ZBTB16: variants seen among roughly 807,000 people sequenced by gnomAD.
ZBTB16 encodes zinc finger and BTB domain-containing protein 16.
In ZBTB16, 8 loss-of-function variants were observed where a neutral mutation model predicts 56.8. The ratio of observed to expected loss-of-function variants is 0.14; its 90% CI spans 0.08 to 0.25. The LOEUF (loss-of-function observed/expected upper bound fraction) is 0.25, where lower values mean the gene tolerates loss of function less well. Among genes scored for constraint, ZBTB16 ranks in the 10% least tolerant of loss-of-function variants. ZBTB16 has a pLI of 1.00. For missense variants in ZBTB16, 625 were observed against 903.0 expected (o/e 0.69, Z 3.95); for synonymous variants, 363 against 368.5 (o/e 0.98, Z 0.17).
At position 114,255,415 on chromosome 11, in the gene ZBTB16, T is replaced by G. The variant is rs1944983373; in HGVS notation, c.*4860T>G. On this transcript the variant is annotated 3_prime_UTR_variant, in exon 7 of 7. Transcript: ENST00000335953. Reference sequence around the variant, plus strand: ...TACTTTTTTGTACAAATCAATCTCTTTCTCTCTTTCTCTCCTCCCCACCTC... The same window carrying G: ...TACTTTTTTGTACAAATCAATCTCTGTCTCTCTTTCTCTCCTCCCCACCTC... Among the ~76,000 whole-genome samples, 1 of 127,238 alleles carries G rather than the reference T, an allele frequency of 7.9e-6. No homozygotes were observed. The highest frequency in any genetic ancestry group is 1.8e-5 in the Non-Finnish European group (1 of 56,726). The allele number at this position is 127,238 out of a possible 152,430, so 83.5% of individuals were successfully genotyped here.
At chr11:114,061,767 C>T (rs977632488) in intron 1 of ZBTB16, among the ~76,000 whole-genome samples, 3 of 152,150 alleles carry the variant, frequency 2.0e-5, no homozygotes, top group African/African-American at 7.2e-5. Context: ...CTTTGTTTCC[C>T]AGCCCTGTCT....
intron 4 of ZBTB16, among the ~76,000 whole-genome samples, chr11:114,224,090 G>A (rs1446428743): frequency 6.6e-6 from 1 of 152,158 alleles, no homozygotes; most frequent in Non-Finnish European, 1.5e-5. Context: ...AATCAGGGGA[G>A]GGACATCAGG....
At chr11:114,151,619 C>A (rs1337114862) in intron 2 of ZBTB16, among the ~76,000 whole-genome samples, 1 of 152,224 alleles carries the variant, frequency 6.6e-6, no homozygotes, top group Non-Finnish European at 1.5e-5. Context: ...TCTGCTCCAA[C>A]TTGAGCATTT....
intron 4 of ZBTB16, among the ~76,000 whole-genome samples, chr11:114,238,737 G>C (rs1944645977): frequency 6.6e-6 from 1 of 152,086 alleles, no homozygotes. Flanking sequence ...CCTCTGATCT[G>C]ACTCCCATCA....
intron 2 of ZBTB16, among the ~76,000 whole-genome samples, chr11:114,148,465 C>CTTTCTTTCTTTCTT (rs1187503856): frequency 0.059 from 3,130 of 53,360 alleles, 589 homozygotes; most frequent in Non-Finnish European, 0.092. Context: ...CTGTCTCTCT[C>CTTTCTTTCTTTCTT]TCTCTCTTTC....
chr11:114,144,705 T>A (rs1379420824), intron 2 of ZBTB16, among the ~76,000 whole-genome samples: 2 of 152,222 alleles, frequency 1.3e-5, no homozygotes, highest in Non-Finnish European at 2.9e-5. Context: ...GATATTTTTG[T>A]TCATGCGTTT....
In ZBTB16 at chr11:114,165,895, G is replaced by A. The variant is rs144600443; in HGVS notation, c.1366+9461G>A. Among the ~76,000 whole-genome samples the A allele has an allele frequency of 4.0e-4, 61 of 152,334 alleles. No individual in the cohort carries two copies. The East Asian group carries it at 0.011, about 26-fold the overall frequency. ...AGGCCTCAGGTTTATGTTCCATAGA[G>A]GTCAAGCCTTTGGCAAATGGCTGCA... On this transcript the variant is annotated intron_variant, in intron 3 of 6. Coordinates refer to ENST00000335953, the MANE Select transcript of ZBTB16 (RefSeq NM_006006.6).
chr11:114,134,157 G>A (rs1941739499), intron 2 of ZBTB16, among the ~76,000 whole-genome samples: 1 of 152,146 alleles, frequency 6.6e-6, no homozygotes, highest in Non-Finnish European at 1.5e-5. Context: ...AATTTAGTAG[G>A]ACTCTGCGAG....
chr11:114,180,120 A>G (rs548614126), intron 3 of ZBTB16, among the ~76,000 whole-genome samples: 2 of 152,170 alleles, frequency 1.3e-5, no homozygotes, highest in East Asian at 3.9e-4. Flanking sequence ...CCGAACTTTA[A>G]CTGGCTTTGA....
chr11:114,159,240 G>A (rs1388239113), intron 3 of ZBTB16, among the ~76,000 whole-genome samples: 2 of 152,220 alleles, frequency 1.3e-5, no homozygotes, highest in African/African-American at 4.8e-5. Flanking sequence ...CAGGTCCCCT[G>A]ATCTCATATG....
At position 114,252,978 on chromosome 11, in the gene ZBTB16, T is replaced by C. The variant is rs1375378777; in HGVS notation, c.*2423T>C. ...TTAGTGTTTTGGAAAGGAAAAGAAG[T>C]TAAACTTGAAATACGTGACTAGAAC... On this transcript the variant is annotated 3_prime_UTR_variant, in exon 7 of 7. Coordinates refer to ENST00000335953, the MANE Select transcript of ZBTB16 (RefSeq NM_006006.6). Among the ~76,000 whole-genome samples, 5 of 152,186 alleles carry C rather than the reference T, an allele frequency of 3.3e-5. No individual in the cohort carries two copies. Among genetic ancestry groups the C allele is most frequent in the Non-Finnish European group, 7.3e-5 (5 of 68,038 alleles).
At chr11:114,107,110 G>A (rs959548894) in intron 2 of ZBTB16, among the ~76,000 whole-genome samples, 1 of 152,088 alleles carries the variant, frequency 6.6e-6, no homozygotes, top group East Asian at 1.9e-4. Flanking sequence ...GCCACGAGGC[G>A]CCAGGGCCCT....
rs1001900800 is a variant in ZBTB16, at chr11:114,253,475, G to C, written c.*2920G>C. On this transcript the variant is annotated 3_prime_UTR_variant, in exon 7 of 7. Transcript: ENST00000335953. ...TACATGTATGTGCGTGTGCGCGTGT[G>C]CTTTGTGTGTGTGGTTGTGTGTTAA... 2.0e-5 allele frequency among the ~76,000 whole-genome samples: 3 copies of C among 152,228 alleles called. No individual in the cohort carries two copies. The highest frequency in any genetic ancestry group is 6.5e-5 in the Admixed American group (1 of 15,288).
chr11:114,201,651 A>G (rs953709212), intron 4 of ZBTB16, among the ~76,000 whole-genome samples: 1 of 152,224 alleles, frequency 6.6e-6, no homozygotes, highest in African/African-American at 2.4e-5. Context: ...AAAGATGTCC[A>G]TGATGTTTTG....
At chr11:114,202,581 T>C (rs1943759962) in intron 4 of ZBTB16, among the ~76,000 whole-genome samples, 2 of 152,150 alleles carry the variant, frequency 1.3e-5, no homozygotes, top group Admixed American at 1.3e-4. Context: ...ATGCAGATAT[T>C]TGGGCGTGGG....
intron 2 of ZBTB16, among the ~76,000 whole-genome samples, chr11:114,073,970 G>T (rs1213666632): frequency 6.6e-6 from 1 of 152,216 alleles, no homozygotes; most frequent in Non-Finnish European, 1.5e-5. Flanking sequence ...AAAGACTGAC[G>T]TCTGATGGAC....
At chr11:114,187,437 T>G in intron 4 of ZBTB16, 1 of 268,088 alleles carries the variant, frequency 3.7e-6, no homozygotes, top group African/African-American at 2.2e-5. Flanking sequence ...TGGCCACAGT[T>G]GGCTGGTCCT....
At chr11:114,164,051 A>G (rs989700817) in intron 3 of ZBTB16, among the ~76,000 whole-genome samples, 4 of 152,178 alleles carry the variant, frequency 2.6e-5, no homozygotes, top group East Asian at 1.9e-4. Context: ...TATGCAAGAC[A>G]AAGTGTTTTG....
Position 114,143,475 on chromosome 11 carries a change from T to C in ZBTB16, c.1269-12862T>C, listed in dbSNP as rs1942015077. On this transcript the variant is annotated intron_variant, in intron 2 of 6. Transcript: ENST00000335953. This position sits in a 1 kb window ranked among gnomAD's most constrained non-coding sequence, Gnocchi z 6.4. ...CAGAGGGGAGCTACTGGGGAAGGCT[T>C]CTAGGGATGGTACTGACCCTCTTGC... is the stretch of plus-strand genomic sequence containing the variant. 6.6e-6 allele frequency among the ~76,000 whole-genome samples: 1 copy of C among 152,112 alleles called. No individual in the cohort carries two copies. The highest frequency in any genetic ancestry group is 1.5e-5 in the Non-Finnish European group (1 of 68,002).
Sources: allele counts gnomAD v4.1 joint callset (sites outside exome capture counted in the v4.1 genomes callset), GRCh38; gene constraint gnomAD v4.1.1; non-coding constraint Gnocchi (gnomAD v3.1); transcripts MANE v1.5; gene names NCBI Gene and HGNC (gene_info 2026-07-23, HGNC 2026-07-21).